SAMMSON: variants seen among roughly 807,000 people sequenced by gnomAD.
SAMMSON encodes the protein survival associated mitochondrial melanoma specific oncogenic non-coding RNA.
intron 3 of SAMMSON, among the ~76,000 whole-genome samples, chr3:70,061,937 A>G (rs1454018625): frequency 6.6e-6 from 1 of 152,042 alleles, no homozygotes; most frequent in Non-Finnish European, 1.5e-5. Flanking sequence ...TCTATGTGTA[A>G]ACAAACCAGC....
chr3:70,332,637 C>A (rs1702629573), intron 7 of SAMMSON: 4 of 152,240 alleles, frequency 2.6e-5, no homozygotes, highest in Admixed American at 2.0e-4. Context: ...GCTCTGACCC[C>A]CAGGCTGGAG....
intron 2 of SAMMSON, among the ~76,000 whole-genome samples, chr3:70,417,653 G>A (rs1026604421): frequency 1.3e-5 from 2 of 152,114 alleles, no homozygotes; most frequent in Non-Finnish European, 2.9e-5. Context: ...CTTTCTCTGA[G>A]TTAGCTTCCT....
chr3:70,410,478 C>A (rs1388815598), intron 2 of SAMMSON, among the ~76,000 whole-genome samples: 1 of 152,140 alleles, frequency 6.6e-6, no homozygotes, highest in Admixed American at 6.5e-5. Flanking sequence ...GCATTTAGAA[C>A]ATGACTTCCA....
intron 3 of SAMMSON, among the ~76,000 whole-genome samples, chr3:70,038,472 G>A (rs998583766): frequency 9.2e-5 from 14 of 152,026 alleles, no homozygotes; most frequent in African/African-American, 3.4e-4. Context: ...CCAGAATCAT[G>A]AGCCACATAA....
chr3:70,267,626 C>T (rs1189667912), intron 6 of SAMMSON, among the ~76,000 whole-genome samples: 7 of 146,206 alleles, frequency 4.8e-5, no homozygotes, highest in Non-Finnish European at 1.0e-4. Flanking sequence ...CCCTGTTAGC[C>T]AGAATGGTCT....
intron 3 of SAMMSON, among the ~76,000 whole-genome samples, chr3:70,035,500 T>A (rs1473954708): frequency 6.6e-6 from 1 of 152,156 alleles, no homozygotes; most frequent in Non-Finnish European, 1.5e-5. Context: ...CAGCTAGGAA[T>A]CCAGGGTGGC....
intron 4 of SAMMSON, among the ~76,000 whole-genome samples, chr3:70,084,461 T>A (rs1302829664): frequency 3.9e-5 from 6 of 152,338 alleles, no homozygotes; most frequent in Non-Finnish European, 1.5e-5. Context: ...TAATAAAATT[T>A]GAAGAGATTA....
At chr3:70,157,530 G>A (rs559184624) in intron 4 of SAMMSON, among the ~76,000 whole-genome samples, 1 of 152,208 alleles carries the variant, frequency 6.6e-6, no homozygotes, top group Admixed American at 6.6e-5. Flanking sequence ...GAAGGAGCTT[G>A]AAAAATAAGT....
At chr3:70,206,804 G>GA (rs888351737) in intron 4 of SAMMSON, 66 of 397,148 alleles carry the variant, frequency 1.7e-4, no homozygotes, top group Non-Finnish European at 8.9e-5. Flanking sequence ...GAGGAAAAAA[G>GA]AAAAAACACA....
intron 2 of SAMMSON, among the ~76,000 whole-genome samples, chr3:70,418,975 TTCCTTC>T (rs140922381): frequency 0.063 from 4,583 of 72,692 alleles, 162 homozygotes; most frequent in Middle Eastern, 0.098. Flanking sequence ...CTTTCCTTCC[TTCCTTC>T]TCTCTCTCTC....
chr3:70,084,391 G>A (rs1376286581), intron 4 of SAMMSON, among the ~76,000 whole-genome samples: 4 of 152,194 alleles, frequency 2.6e-5, no homozygotes, highest in South Asian at 2.1e-4. Flanking sequence ...CATTAGGAGC[G>A]TCTAAATCAT....
At chr3:70,332,603 G>GT (rs898633814) in intron 7 of SAMMSON, 183 of 148,246 alleles carry the variant, frequency 1.2e-3, no homozygotes, top group African/African-American at 2.8e-3. Context: ...GGAAAATTTG[G>GT]TTTTTTTTTT....
At chr3:70,271,379 A>G (rs754139867) in intron 6 of SAMMSON, among the ~76,000 whole-genome samples, 1 of 152,200 alleles carries the variant, frequency 6.6e-6, no homozygotes, top group Non-Finnish European at 1.5e-5. Flanking sequence ...TCACTGGTGG[A>G]ACTCCAATGG....
intron 4 of SAMMSON, among the ~76,000 whole-genome samples, chr3:70,121,186 G>A (rs1351540282): frequency 1.3e-5 from 2 of 152,178 alleles, no homozygotes; most frequent in Non-Finnish European, 2.9e-5. Context: ...AGCTCAGGTG[G>A]TGATGTGAGC....
At chr3:70,027,487 A>G (rs1385492250) in intron 3 of SAMMSON, among the ~76,000 whole-genome samples, 1 of 152,226 alleles carries the variant, frequency 6.6e-6, no homozygotes, top group African/African-American at 2.4e-5. Context: ...CTCTCAATAT[A>G]CCAACCCACT....
In SAMMSON at chr3:70,090,173, A is replaced by G. The variant is rs1266220628; in HGVS notation, n.507+18608A>G. On this transcript the variant is annotated intron_variant and non_coding_transcript_variant, in intron 4 of 9. Transcript: ENST00000642114. ...GAACAAAATAGTATTTTGTTTTGTT[A>G]AAGTCCAATCTTCCTAATAGATCAA... 3.9e-5 allele frequency among the ~76,000 whole-genome samples: 6 copies of G among 152,322 alleles called. No individual in the cohort carries two copies. The East Asian group carries it at 7.7e-4, about 20-fold the overall frequency.
chr3:70,116,730 T>G (rs543323586), intron 4 of SAMMSON, among the ~76,000 whole-genome samples: 20 of 152,166 alleles, frequency 1.3e-4, no homozygotes, highest in Middle Eastern at 3.4e-3. Flanking sequence ...AGAAAAGGGA[T>G]AGAAACAAAG....
chr3:70,110,453 G>T (rs138663929), intron 4 of SAMMSON, among the ~76,000 whole-genome samples: 10 of 152,282 alleles, frequency 6.6e-5, no homozygotes, highest in African/African-American at 2.4e-4. Context: ...ATGTAGGGGG[G>T]TAGTGTGGAA....
intron 4 of SAMMSON, among the ~76,000 whole-genome samples, chr3:70,170,664 A>T (rs1452413423): frequency 6.7e-6 from 1 of 148,422 alleles, no homozygotes; most frequent in East Asian, 2.0e-4. Flanking sequence ...GAGGTGAAAA[A>T]TTTTTAAAAG....
Sources: gnomAD v4.1 joint callset for allele counts (sites outside exome capture counted in the v4.1 genomes callset) on GRCh38, gnomAD v4.1.1 for gene constraint, MANE v1.5 for transcripts, NCBI Gene and HGNC (gene_info 2026-07-23, HGNC 2026-07-21) for gene names.